SLC38A1: variants seen among roughly 807,000 people sequenced by gnomAD.
The protein encoded by SLC38A1 is solute carrier family 38 member 1.
SLC38A1 carries 18 observed loss-of-function variants against 60.3 expected under a neutral mutation model. The ratio of observed to expected loss-of-function variants is 0.30; its 90% CI spans 0.21 to 0.44. The LOEUF (loss-of-function observed/expected upper bound fraction) is 0.44, where lower values mean the gene tolerates loss of function less well. Among genes scored for constraint, SLC38A1 ranks in the 20% least tolerant of loss-of-function variants. The pLI is 1.00. For synonymous variants in SLC38A1, 196 were observed against 212.1 expected (o/e 0.92, Z 0.66); for missense variants, 448 against 587.2 (o/e 0.76, Z 2.45).
In SLC38A1 at chr12:46,204,295, A is replaced by G; in HGVS notation, c.822+6T>C. ...TGTTTCATCTGCAAAGGATCAGGAA[A>G]CTTACCTTTGAATTGAAGGTAACAT... On this transcript the variant is annotated splice_donor_region_variant and intron_variant, in intron 11 of 16. Coordinates refer to ENST00000398637, the MANE Select transcript of SLC38A1 (RefSeq NM_030674.4). The G allele has an allele frequency of 6.5e-7, 1 of 1,546,250 alleles. No individual in the cohort carries two copies. The highest frequency in any genetic ancestry group is 2.2e-5 in the East Asian group (1 of 44,472).
intron 13 of SLC38A1, 89 bp from the exon 14 acceptor site, chr12:46,198,832 A>G: frequency 1.3e-6 from 1 of 771,534 alleles, no homozygotes; most frequent in South Asian, 1.9e-5. Flanking sequence ...GAATCTGTAA[A>G]CTAAAGGGCA....
chr12:46,189,229 T>C (rs1459070050), intron 16 of SLC38A1, among the ~76,000 whole-genome samples, 158 bp from the exon 17 acceptor site: 1 of 151,996 alleles, frequency 6.6e-6, no homozygotes, highest in African/African-American at 2.4e-5. Flanking sequence ...CTTTCTAAAA[T>C]TTTATGAATC....
chr12:46,197,738 T>C lies in SLC38A1; in HGVS notation c.1344A>G (p.Lys448=). Residue 448 remains lysine, a synonymous_variant, in exon 16 of 17, where the codon AAA becomes AAG. Coordinates refer to ENST00000398637, the MANE Select transcript of SLC38A1 (RefSeq NM_030674.4). ...GACATACCCAAATTCTTTGAGTTCC[T>C]TTATCTCCATCCTGGTCTGTGATTT... is the stretch of plus-strand genomic sequence containing the variant. ...YLKITDQDGD[K]GTQRIWAALF... 6.3e-7 allele frequency: 1 copy of C among 1,594,038 alleles called. No homozygotes were observed. Among genetic ancestry groups the C allele is most frequent in the Non-Finnish European group, 8.5e-7 (1 of 1,173,454 alleles).
At chr12:46,213,563 G>A (rs1191156029) in intron 5 of SLC38A1, among the ~76,000 whole-genome samples, 3 of 152,178 alleles carry the variant, frequency 2.0e-5, no homozygotes, top group Non-Finnish European at 4.4e-5. Context: ...CCTGGAAGTC[G>A]ACCTTATCTC....
At chr12:46,199,271 T>C (rs1939529876) in intron 13 of SLC38A1, among the ~76,000 whole-genome samples, 1 of 151,746 alleles carries the variant, frequency 6.6e-6, no homozygotes, top group South Asian at 2.1e-4. Context: ...TGTATGTTGT[T>C]CTTGTAAAAA....
At chr12:46,191,394 T>C (rs1042457733) in intron 16 of SLC38A1, among the ~76,000 whole-genome samples, 9 of 152,184 alleles carry the variant, frequency 5.9e-5, no homozygotes, top group African/African-American at 1.7e-4. Context: ...TCTTTTTGCA[T>C]AGGATTGTCT....
intron 1 of SLC38A1, among the ~76,000 whole-genome samples, chr12:46,253,446 C>T (rs1941924771): frequency 6.6e-6 from 1 of 152,180 alleles, no homozygotes; most frequent in African/African-American, 2.4e-5. Context: ...CCTTTTTAGA[C>T]CATATAGGGC....
intron 3 of SLC38A1, among the ~76,000 whole-genome samples, chr12:46,232,891 A>AT (rs1002395641): frequency 6.6e-6 from 1 of 152,136 alleles, no homozygotes; most frequent in Non-Finnish European, 1.5e-5. Flanking sequence ...TTAAATTTGC[A>AT]TTTTTTAAAT....
intron 10 of SLC38A1, 30 bp from the exon 11 acceptor site, chr12:46,204,447 A>G (rs1939801012): frequency 6.3e-7 from 1 of 1,593,868 alleles, no homozygotes; most frequent in East Asian, 2.2e-5. Flanking sequence ...TAGAAGCAAT[A>G]TGGACTTTAG....
At chr12:46,194,029 C>G (rs1475937704) in intron 16 of SLC38A1, among the ~76,000 whole-genome samples, 3 of 152,164 alleles carry the variant, frequency 2.0e-5, no homozygotes, top group Non-Finnish European at 4.4e-5. Context: ...TTCATAGAGT[C>G]ACTGGTCTTT....
chr12:46,260,382 T>C (rs1209065320), intron 1 of SLC38A1, among the ~76,000 whole-genome samples: 10 of 152,240 alleles, frequency 6.6e-5, no homozygotes, highest in Admixed American at 5.9e-4. Context: ...TTTTTCACTT[T>C]ATAAAACTAG....
rs1942457667 is a variant in SLC38A1 at position 46,268,960 on chromosome 12, C to T, written c.-643G>A. On this transcript the variant is annotated 5_prime_UTR_variant, in exon 1 of 17. Transcript: ENST00000398637. This position sits in a 1 kb window ranked among gnomAD's most constrained non-coding sequence, Gnocchi z 4.4. ...GCAACCATGGCTTGTGATGGTTTAA[C>T]GCGGACAGGCCATTCCTCCCCGTCC... 2 of 443,896 alleles carry T rather than the reference C, an allele frequency of 4.5e-6. No individual in the cohort carries two copies. Among genetic ancestry groups the T allele is most frequent in the African/African-American group, 2.0e-5 (1 of 49,890 alleles). The allele number at this position is 443,896 out of a possible 1,614,324, so 27.5% of individuals were successfully genotyped here.
In SLC38A1 at chr12:46,264,303, G is replaced by T. The variant is rs576963395; in HGVS notation, c.-209+4223C>A. Among the ~76,000 whole-genome samples, 161 of 152,210 alleles carry T rather than the reference G, an allele frequency of 1.1e-3. 1 individual carries two copies. The highest frequency in any genetic ancestry group is 3.7e-3 in the African/African-American group (154 of 41,526). On this transcript the variant is annotated intron_variant, in intron 1 of 16. Transcript: ENST00000398637. ...CAGCACTGATACTATTATTAGCATT[G>T]GACAGATGAGAAAATGAGGCATAAA...
chr12:46,202,063 G>A (rs1939684799), intron 12 of SLC38A1, among the ~76,000 whole-genome samples: 1 of 151,502 alleles, frequency 6.6e-6, no homozygotes, highest in Non-Finnish European at 1.5e-5. Flanking sequence ...CATGGGGCAT[G>A]TGCCTGTAGT....
intron 1 of SLC38A1, among the ~76,000 whole-genome samples, chr12:46,252,039 G>A (rs1265607597): frequency 2.0e-5 from 3 of 152,192 alleles, no homozygotes; most frequent in Middle Eastern, 6.8e-3. Flanking sequence ...ACATGCACAC[G>A]TATGTTTATT....
intron 1 of SLC38A1, among the ~76,000 whole-genome samples, chr12:46,254,076 A>G (rs992583612): frequency 5.3e-5 from 8 of 152,170 alleles, no homozygotes; most frequent in African/African-American, 1.9e-4. Context: ...AAAGCAAAAT[A>G]AGTAAAAATT....
At chr12:46,249,258 G>T (rs1592144953) in intron 1 of SLC38A1, among the ~76,000 whole-genome samples, 1 of 151,628 alleles carries the variant, frequency 6.6e-6, no homozygotes, top group African/African-American at 2.4e-5. Context: ...CAAAATGAAG[G>T]CACAAATAAA....
intron 5 of SLC38A1, among the ~76,000 whole-genome samples, chr12:46,226,362 AAAT>A (rs1210230625): frequency 1.3e-5 from 2 of 152,152 alleles, no homozygotes; most frequent in African/African-American, 4.8e-5. Context: ...AACAGAACCA[AAAT>A]AATATTAAAA....
chr12:46,197,042 T>C (rs1292302886), intron 16 of SLC38A1, among the ~76,000 whole-genome samples: 1 of 152,232 alleles, frequency 6.6e-6, no homozygotes, highest in East Asian at 1.9e-4. Context: ...AGAAATCATA[T>C]GGAAACAGTG....
Sources: gnomAD v4.1 joint callset for allele counts (sites outside exome capture counted in the v4.1 genomes callset) on GRCh38, gnomAD v4.1.1 for gene constraint, Gnocchi (gnomAD v3.1) non-coding constraint, MANE v1.5 for transcripts, NCBI Gene and HGNC (gene_info 2026-07-23, HGNC 2026-07-21) for gene names.